ZDHHC20: variants seen among roughly 807,000 people sequenced by gnomAD.
ZDHHC20 encodes the protein zDHHC palmitoyltransferase 20.
Under a neutral mutation model 57.8 loss-of-function variants are expected in ZDHHC20, and 43 were observed. That is an observed-to-expected ratio of 0.74 (90% CI 0.58 to 0.96). The LOEUF (loss-of-function observed/expected upper bound fraction) is 0.96, where lower values mean the gene tolerates loss of function less well. Among genes scored for constraint, ZDHHC20 ranks in the 40% least tolerant of loss-of-function variants. The pLI is 0.00. For synonymous variants in ZDHHC20, 157 were observed against 153.0 expected, an observed-to-expected ratio of 1.03 and a Z score of -0.19; for missense variants, 391 against 441.1, an observed-to-expected ratio of 0.89 and a Z score of 1.02.
intron 2 of ZDHHC20, among the ~76,000 whole-genome samples, chr13:21,422,339 G>C (rs1451337275): frequency 6.6e-6 from 1 of 151,736 alleles, no homozygotes; most frequent in Non-Finnish European, 1.5e-5. Context: ...TCAGTTTGAA[G>C]TACTGTCCTT....
intron 9 of ZDHHC20, 88 bp downstream of exon 9, chr13:21,387,420 T>G (rs1371213969): frequency 9.7e-7 from 1 of 1,029,434 alleles, no homozygotes; most frequent in East Asian, 3.2e-5. Context: ...TCATTATATA[T>G]TATATTCTCT....
At chr13:21,440,877 C>A (rs1180284264) in intron 1 of ZDHHC20, among the ~76,000 whole-genome samples, 1 of 151,796 alleles carries the variant, frequency 6.6e-6, no homozygotes, top group Non-Finnish European at 1.5e-5. Context: ...ATGCACCAGA[C>A]CACACAGTTT....
intron 4 of ZDHHC20, among the ~76,000 whole-genome samples, chr13:21,411,923 G>T (rs1466822417): frequency 6.6e-6 from 1 of 152,206 alleles, no homozygotes; most frequent in Non-Finnish European, 1.5e-5. Flanking sequence ...AGTATTGTAG[G>T]AGCTTGAAGC....
chr13:21,376,768 A>G (rs1872149740), intron 12 of ZDHHC20, 113 bp from the exon 13 acceptor site: 1 of 599,214 alleles, frequency 1.7e-6, no homozygotes, highest in African/African-American at 1.9e-5. Context: ...CAAGATGGAA[A>G]ATGAATTCCT....
chr13:21,405,020 ACT>A (rs1457859981), intron 4 of ZDHHC20, among the ~76,000 whole-genome samples: 1 of 152,084 alleles, frequency 6.6e-6, no homozygotes, highest in Non-Finnish European at 1.5e-5. Context: ...GTTCTACAAT[ACT>A]CTGTTATATA....
intron 1 of ZDHHC20, among the ~76,000 whole-genome samples, chr13:21,455,154 C>T (rs1040619474): frequency 1.3e-5 from 2 of 152,138 alleles, no homozygotes; most frequent in Non-Finnish European, 2.9e-5. Flanking sequence ...CTCCTGACCT[C>T]GTGATCCGCC....
intron 4 of ZDHHC20, among the ~76,000 whole-genome samples, chr13:21,404,615 G>A (rs1392023976): frequency 6.6e-6 from 1 of 151,950 alleles, no homozygotes; most frequent in African/African-American, 2.4e-5. Flanking sequence ...TTAGCTGGGC[G>A]TGGTGGTGGG....
intron 3 of ZDHHC20, among the ~76,000 whole-genome samples, chr13:21,414,739 C>T (rs1011099483): frequency 6.6e-6 from 1 of 151,730 alleles, no homozygotes; most frequent in Non-Finnish European, 1.5e-5. Context: ...GTTCGTTTCT[C>T]TTAATAGCAT....
At chr13:21,402,723 G>C (rs1217993830) in intron 5 of ZDHHC20, 74 bp downstream of exon 5, 8 of 1,238,598 alleles carry the variant, frequency 6.5e-6, no homozygotes, top group Non-Finnish European at 9.2e-6. Flanking sequence ...CATATAAAAT[G>C]TTCCTTCCCC....
chr13:21,423,411 C>T (rs1469551513), intron 2 of ZDHHC20, among the ~76,000 whole-genome samples: 2 of 152,262 alleles, frequency 1.3e-5, no homozygotes, highest in African/African-American at 2.4e-5. Flanking sequence ...TGCAGTGGCT[C>T]GTGCCTGTAT....
intron 7 of ZDHHC20, among the ~76,000 whole-genome samples, chr13:21,396,841 A>AG (rs150969553): frequency 0.22 from 26,691 of 120,412 alleles, 2,864 homozygotes; most frequent in Non-Finnish European, 0.29. Flanking sequence ...TCAAAAAAAA[A>AG]AAAAGAAAGA....
chr13:21,393,378 G>T (rs1225024615), intron 7 of ZDHHC20, among the ~76,000 whole-genome samples: 25 of 151,408 alleles, frequency 1.7e-4, no homozygotes. Flanking sequence ...GTACACGCCT[G>T]TAATCCCAGC....
chr13:21,394,453 C>A (rs945181199), intron 7 of ZDHHC20, among the ~76,000 whole-genome samples: 1 of 152,178 alleles, frequency 6.6e-6, no homozygotes, highest in African/African-American at 2.4e-5. Flanking sequence ...TTGTCCCCCT[C>A]CTTCTCAAAA....
chr13:21,398,906 G>A (rs1311613919), intron 7 of ZDHHC20, among the ~76,000 whole-genome samples: 2 of 152,132 alleles, frequency 1.3e-5, no homozygotes, highest in Non-Finnish European at 2.9e-5. Context: ...CAACAACCCA[G>A]AAACACAGTA....
chr13:21,379,825 C>CTTTTTTTT (rs56681468), intron 11 of ZDHHC20, among the ~76,000 whole-genome samples: 31,905 of 136,750 alleles, frequency 0.23, 4,940 homozygotes, highest in East Asian at 0.71. Context: ...TTTCTTTTTT[C>CTTTTTTTT]TTTTTTTTTG....
chr13:21,422,232 G>A (rs1465311521), intron 2 of ZDHHC20, among the ~76,000 whole-genome samples: 1 of 149,054 alleles, frequency 6.7e-6, no homozygotes, highest in Non-Finnish European at 1.5e-5. Context: ...TCAATTTTAA[G>A]AAGTGATAAA....
intron 4 of ZDHHC20, among the ~76,000 whole-genome samples, chr13:21,408,664 G>C (rs1208365391): frequency 6.6e-6 from 1 of 152,168 alleles, no homozygotes; most frequent in Non-Finnish European, 1.5e-5. Flanking sequence ...TAGGAGTGGT[G>C]AGAGAGGACA....
intron 8 of ZDHHC20, among the ~76,000 whole-genome samples, chr13:21,389,771 C>T (rs78927818): frequency 3.3e-5 from 5 of 152,108 alleles, no homozygotes; most frequent in East Asian, 1.9e-4. Flanking sequence ...ATTTCACTGA[C>T]GCCAAGTGGG....
intron 1 of ZDHHC20, among the ~76,000 whole-genome samples, chr13:21,432,040 T>C (rs1287341566): frequency 6.6e-6 from 1 of 152,166 alleles, no homozygotes; most frequent in African/African-American, 2.4e-5. Context: ...CAGTTTCTCA[T>C]ATGTTTTCTT....
Sources: gnomAD v4.1 joint callset for allele counts (sites outside exome capture counted in the v4.1 genomes callset) on GRCh38, gnomAD v4.1.1 for gene constraint, MANE v1.5 for transcripts, NCBI Gene and HGNC (gene_info 2026-07-23, HGNC 2026-07-21) for gene names.